The following KIAA1328 variants were observed in gnomAD, a reference collection of about 807,000 sequenced individuals.
The protein encoded by KIAA1328 is KIAA1328.
In KIAA1328, 52 loss-of-function variants were observed where a neutral mutation model predicts 68.1. That is an observed-to-expected ratio of 0.76 (90% CI 0.61 to 0.96). The LOEUF (loss-of-function observed/expected upper bound fraction) is 0.96, where lower values mean the gene tolerates loss of function less well. KIAA1328 is among the 40% of genes least tolerant of loss of function. The pLI, the probability that KIAA1328 is intolerant of heterozygous loss-of-function variation, is 0.00. For synonymous variants in KIAA1328, 232 were observed against 239.4 expected, an observed-to-expected ratio of 0.97 and a Z score of 0.28; for missense variants, 641 against 677.6, an observed-to-expected ratio of 0.95 and a Z score of 0.60.
intron 6 of KIAA1328, among the ~76,000 whole-genome samples, chr18:37,062,084 G>A (rs1380281662): frequency 6.6e-6 from 1 of 152,168 alleles, no homozygotes; most frequent in Admixed American, 6.5e-5. Flanking sequence ...CTAAAAGGCA[G>A]TGCAACATGT....
In KIAA1328 at chr18:36,957,681, AT is replaced by A. The variant is rs781033657; in HGVS notation, c.449-1626del. Among the ~76,000 whole-genome samples the A allele has an allele frequency of 5.9e-5, 9 of 152,274 alleles. No individual in the cohort carries two copies. In the East Asian group the frequency reaches 7.7e-4, roughly 13 times the overall value. On this transcript the variant is annotated intron_variant, in intron 5 of 9. Transcript: ENST00000280020. ...TAACTGAAAAACTTAACAAAAAAAC[AT>A]CAAATTATACTCTCTTTATGTTTAA...
At chr18:37,116,370 A>G (rs1485246660) in intron 7 of KIAA1328, among the ~76,000 whole-genome samples, 2 of 152,204 alleles carry the variant, frequency 1.3e-5, no homozygotes, top group Non-Finnish European at 2.9e-5. Context: ...ATCTACAACC[A>G]TCTGACCTTT....
intron 5 of KIAA1328, among the ~76,000 whole-genome samples, chr18:36,906,716 C>T (rs1265800335): frequency 6.6e-6 from 1 of 151,364 alleles, no homozygotes; most frequent in East Asian, 1.9e-4. Context: ...ATCTTGGTTG[C>T]TTTTGGCTTT....
chr18:37,185,865 T>A lies in KIAA1328; in HGVS notation c.1523+12784T>A, dbSNP rs967755239. 1.3e-5 allele frequency among the ~76,000 whole-genome samples: 2 copies of A among 152,192 alleles called. 1 individual carries two copies. Among genetic ancestry groups the A allele is most frequent in the South Asian group, 4.2e-4 (2 of 4,818 alleles). On this transcript the variant is annotated intron_variant, in intron 9 of 9. Transcript: ENST00000280020. ...CAGCTTACTTTTTCTTTATTTCTTG[T>A]GCGGAAATTCATTTTAGCATTTTAT...
chr18:36,984,182 C>G (rs930015272), intron 6 of KIAA1328, among the ~76,000 whole-genome samples: 1 of 152,094 alleles, frequency 6.6e-6, no homozygotes, highest in African/African-American at 2.4e-5. Flanking sequence ...ATGGTTTCCC[C>G]CAGTGGTCAG....
At chr18:37,142,460 T>C (rs2058788456) in intron 7 of KIAA1328, among the ~76,000 whole-genome samples, 1 of 152,164 alleles carries the variant, frequency 6.6e-6, no homozygotes, top group Admixed American at 6.6e-5. Flanking sequence ...CCTCCCAAAG[T>C]GCTGGGATTA....
chr18:36,872,316 A>G (rs971705566), intron 4 of KIAA1328, among the ~76,000 whole-genome samples: 8 of 152,120 alleles, frequency 5.3e-5, no homozygotes, highest in Admixed American at 2.6e-4. Context: ...GATTAGAATA[A>G]CAGAAAATAT....
intron 5 of KIAA1328, among the ~76,000 whole-genome samples, chr18:36,904,150 T>C (rs1327991919): frequency 6.6e-6 from 1 of 152,094 alleles, no homozygotes; most frequent in Non-Finnish European, 1.5e-5. Flanking sequence ...TCTATTAACA[T>C]GTATATTGCT....
intron 4 of KIAA1328, among the ~76,000 whole-genome samples, chr18:36,857,772 C>A (rs932093035): frequency 6.6e-6 from 1 of 152,030 alleles, no homozygotes; most frequent in African/African-American, 2.4e-5. Context: ...GTAATGATAC[C>A]CCTCCATGGT....
At chr18:36,985,877 A>G (rs1009302640) in intron 6 of KIAA1328, among the ~76,000 whole-genome samples, 3 of 152,206 alleles carry the variant, frequency 2.0e-5, no homozygotes, top group Non-Finnish European at 2.9e-5. Context: ...GTTGCTCAAC[A>G]TTAGTTATTA....
chr18:37,109,364 A>G (rs972732290), intron 7 of KIAA1328, among the ~76,000 whole-genome samples: 15 of 152,224 alleles, frequency 9.9e-5, no homozygotes, highest in African/African-American at 3.6e-4. Context: ...GGGGAAAATA[A>G]AACATGTTAC....
intron 5 of KIAA1328, among the ~76,000 whole-genome samples, chr18:36,925,819 G>A (rs1017290683): frequency 6.6e-6 from 1 of 151,696 alleles, no homozygotes; most frequent in South Asian, 2.1e-4. Flanking sequence ...GATTACAGGC[G>A]TAAGCCATCG....
intron 4 of KIAA1328, among the ~76,000 whole-genome samples, chr18:36,862,108 A>G (rs2047583537): frequency 7.2e-6 from 1 of 139,804 alleles, no homozygotes; most frequent in South Asian, 2.1e-4. Context: ...GAGAAAGCCC[A>G]TGTACCTTTT....
chr18:37,062,574 G>A (rs1181119915), intron 6 of KIAA1328, among the ~76,000 whole-genome samples: 1 of 151,778 alleles, frequency 6.6e-6, no homozygotes, highest in African/African-American at 2.4e-5. Flanking sequence ...TCTTGCCTCA[G>A]CCTCCGGAGT....
chr18:36,880,343 C>T (rs1179132088), intron 4 of KIAA1328, among the ~76,000 whole-genome samples: 1 of 152,148 alleles, frequency 6.6e-6, no homozygotes, highest in African/African-American at 2.4e-5. Context: ...CTTCCGTGGG[C>T]TGTACCCACT....
chr18:37,045,543 G>A (rs1042599779), intron 6 of KIAA1328, among the ~76,000 whole-genome samples: 1 of 149,890 alleles, frequency 6.7e-6, no homozygotes, highest in Non-Finnish European at 1.5e-5. Context: ...CTCATAGACT[G>A]TTTCCTTATT....
At position 36,928,695 on chromosome 18, in the gene KIAA1328, AGT is replaced by A. The variant is rs1413492904; in HGVS notation, c.449-30607_449-30606del. On this transcript the variant is annotated intron_variant, in intron 5 of 9. Transcript: ENST00000280020. ...GAGAGAGAGAGAGAGAATGTGTGTG[AGT>A]GTGTGCGCACGCATGTGCACACATG... Among the ~76,000 whole-genome samples, 4 of 152,212 alleles carry A rather than the reference AGT, an allele frequency of 2.6e-5. No individual in the cohort carries two copies. In the South Asian group the frequency reaches 8.3e-4, roughly 32 times the overall value.
At chr18:37,207,615 T>A (rs1178624187) in intron 9 of KIAA1328, among the ~76,000 whole-genome samples, 2 of 152,158 alleles carry the variant, frequency 1.3e-5, no homozygotes, top group African/African-American at 4.8e-5. Flanking sequence ...CTCAGAGGTA[T>A]GAGGGTCCAG....
chr18:37,084,099 G>T, intron 7 of KIAA1328: 1 of 1,383,314 alleles, frequency 7.2e-7, no homozygotes, highest in South Asian at 1.6e-5. Flanking sequence ...CACAAGATTA[G>T]AAATTTTTTA....
Sources: gnomAD v4.1 joint callset for allele counts (sites outside exome capture counted in the v4.1 genomes callset) on GRCh38, gnomAD v4.1.1 for gene constraint, MANE v1.5 for transcripts, NCBI Gene and HGNC (gene_info 2026-07-23, HGNC 2026-07-21) for gene names.